The following TAS2R1 variants were observed in gnomAD, a reference collection of about 807,000 sequenced individuals.
TAS2R1 encodes the protein taste receptor type 2 member 1.
For synonymous variants in TAS2R1, 141 were observed against 134.2 expected, an observed-to-expected ratio of 1.05 and a Z score of -0.35; for missense variants, 370 against 353.4, an observed-to-expected ratio of 1.05 and a Z score of -0.38.
intron 1 of TAS2R1, among the ~76,000 whole-genome samples, chr5:9,690,574 G>A (rs1054789741): frequency 4.6e-5 from 7 of 151,990 alleles, no homozygotes; most frequent in Non-Finnish European, 7.4e-5. Context: ...ATGAGGAATC[G>A]TTGTCAGCCC....
At chr5:9,840,857 ATTTTTTTTTTTTTTTTT>A in the TAS2R1 span, among the ~76,000 whole-genome samples, 26,316 of 131,750 alleles carry the variant, frequency 0.2, 2,712 homozygotes, top group Middle Eastern at 0.36. Flanking sequence ...TTATTTATTT[ATTTTTTTTTTTTTTTTT>A]TTTTTTTTTT....
intron 1 of TAS2R1, chr5:9,712,037 AG>A (rs1734691540): frequency 3.3e-4 from 1 of 3,064 alleles, no homozygotes; most frequent in Non-Finnish European, 6.9e-4. Context: ...GAAGGGAGGG[AG>A]GGAGGGAGGG....
At chr5:9,775,191 G>T in the TAS2R1 span, among the ~76,000 whole-genome samples, 1 of 152,172 alleles carries the variant, frequency 6.6e-6, no homozygotes, top group Non-Finnish European at 1.5e-5. Context: ...GCACACAAAG[G>T]ACTCTCCCTG....
intron 1 of TAS2R1, among the ~76,000 whole-genome samples, chr5:9,673,469 T>C (rs1740809562): frequency 6.6e-6 from 1 of 152,098 alleles, no homozygotes; most frequent in South Asian, 2.1e-4. Flanking sequence ...TCTACACTAA[T>C]AAATGTTATA....
upstream of TAS2R1, chr5:9,713,244 G>A (rs373194974): frequency 3.3e-5 from 5 of 152,068 alleles, no homozygotes; most frequent in African/African-American, 1.2e-4. Context: ...ATAAATAAAC[G>A]GATGAATCCC....
chr5:9,884,281 C>A, the TAS2R1 span, among the ~76,000 whole-genome samples: 1 of 151,876 alleles, frequency 6.6e-6, no homozygotes, highest in South Asian at 2.1e-4. Context: ...CGAGACCATC[C>A]TGGCTAACAC....
chr5:9,836,733 C>T, the TAS2R1 span, among the ~76,000 whole-genome samples: 1 of 152,170 alleles, frequency 6.6e-6, no homozygotes, highest in Non-Finnish European at 1.5e-5. Flanking sequence ...AATAGCAAAA[C>T]CACCCCTTGT....
the TAS2R1 span, among the ~76,000 whole-genome samples, chr5:9,727,239 T>G: frequency 6.6e-6 from 1 of 152,238 alleles, no homozygotes; most frequent in Non-Finnish European, 1.5e-5. Context: ...AGGTATTATG[T>G]GATAGTCATC....
intron 1 of TAS2R1, among the ~76,000 whole-genome samples, chr5:9,680,902 A>T (rs1022313789): frequency 6.6e-6 from 1 of 152,058 alleles, no homozygotes; most frequent in Admixed American, 6.6e-5. Context: ...AAAATAAAAA[A>T]AAATAAAAAA....
At chr5:9,870,408 T>C in the TAS2R1 span, among the ~76,000 whole-genome samples, 1 of 152,236 alleles carries the variant, frequency 6.6e-6, no homozygotes, top group Non-Finnish European at 1.5e-5. Flanking sequence ...TTCTCTTTCC[T>C]CACACTTTTC....
At position 9,630,011 on chromosome 5, in the gene TAS2R1, T is replaced by A; in HGVS notation, c.22A>T (p.Ile8Phe). Reference sequence around the variant, plus strand: ...TGTATCACTGCAAGAAGAAAATAGATAATGAGGTGAGACTCTAGCATTTTA... The same window carrying A: ...TGTATCACTGCAAGAAGAAAATAGAAAATGAGGTGAGACTCTAGCATTTTA... MLESHLI[I>F]YFLLAVIQFL... The change falls in exon 1 of 1, where the codon ATC becomes TTC. Residue 8 changes from isoleucine to phenylalanine, a missense_variant. Transcript: ENST00000382492. 6.3e-7 allele frequency: 1 copy of A among 1,579,070 alleles called. No individual in the cohort carries two copies. Among genetic ancestry groups the A allele is most frequent in the South Asian group, 1.2e-5 (1 of 85,044 alleles).
the TAS2R1 span, among the ~76,000 whole-genome samples, chr5:9,752,385 A>G: frequency 6.6e-6 from 1 of 152,132 alleles, no homozygotes; most frequent in South Asian, 2.1e-4. Flanking sequence ...TTTCTTCTTT[A>G]CATGCTCTTC....
the TAS2R1 span, among the ~76,000 whole-genome samples, chr5:9,820,728 A>G: frequency 6.6e-6 from 1 of 152,220 alleles, no homozygotes; most frequent in Admixed American, 6.5e-5. Flanking sequence ...AGCAAACTCA[A>G]ACTCTGCTTT....
At chr5:9,729,367 G>C in the TAS2R1 span, among the ~76,000 whole-genome samples, 5,989 of 152,238 alleles carry the variant, frequency 0.039, 404 homozygotes, top group African/African-American at 0.13. Context: ...TCTCCACAAG[G>C]CTGGCTCTTG....
the TAS2R1 span, among the ~76,000 whole-genome samples, chr5:9,764,166 A>G: frequency 2.0e-5 from 3 of 152,256 alleles, no homozygotes; most frequent in Non-Finnish European, 2.9e-5. Flanking sequence ...TTTAAAAAAT[A>G]AAAGGAAAAA....
chr5:9,690,959 A>G (rs2126517644), intron 1 of TAS2R1, among the ~76,000 whole-genome samples: 1 of 152,246 alleles, frequency 6.6e-6, no homozygotes, highest in South Asian at 2.1e-4. Context: ...CCTTCTTTCT[A>G]CCAGGCCTCA....
At chr5:9,861,957 T>G in the TAS2R1 span, among the ~76,000 whole-genome samples, 1 of 152,208 alleles carries the variant, frequency 6.6e-6, no homozygotes, top group Non-Finnish European at 1.5e-5. Context: ...TCAATGATGA[T>G]GCGATGGGTG....
chr5:9,889,894 G>A, the TAS2R1 span: 2 of 152,254 alleles, frequency 1.3e-5, no homozygotes, highest in Non-Finnish European at 2.9e-5. Context: ...CTGGGAGAAA[G>A]ACCAGGCTTG....
the TAS2R1 span, among the ~76,000 whole-genome samples, chr5:9,719,948 A>C: frequency 4.9e-3 from 723 of 146,086 alleles, 12 homozygotes; most frequent in African/African-American, 0.016. Flanking sequence ...ACAAAAACAA[A>C]AACAAACTAC....
Sources: gnomAD v4.1 joint callset for allele counts (sites outside exome capture counted in the v4.1 genomes callset) on GRCh38, gnomAD v4.1.1 for gene constraint, MANE v1.5 for transcripts, NCBI Gene and HGNC (gene_info 2026-07-23, HGNC 2026-07-21) for gene names.